The following GALNT13 variants were observed in gnomAD, a reference collection of about 807,000 sequenced individuals.
The protein encoded by GALNT13 is polypeptide N-acetylgalactosaminyltransferase 13, also known as UDP-GalNAc:polypeptide N-acetylgalactosaminyltransferase 13.
A neutral mutation model predicts 64.2 loss-of-function variants in GALNT13; 28 were observed. That is an observed-to-expected ratio of 0.44 (90% CI 0.32 to 0.60). The LOEUF is 0.60. Among genes scored for constraint, GALNT13 ranks in the 20% least tolerant of loss-of-function variants. GALNT13 has a pLI of 0.05. For missense variants in GALNT13, 577 were observed against 669.8 expected (o/e 0.86, Z 1.53); for synonymous variants, 214 against 224.6 (o/e 0.95, Z 0.42).
the GALNT13 span, among the ~76,000 whole-genome samples, chr2:153,552,575 C>CTTTTT: frequency 1.7e-3 from 116 of 69,286 alleles, 2 homozygotes; most frequent in African/African-American, 4.7e-3. Context: ...GCTTCTTCTT[C>CTTTTT]TTTTTTTTTT....
the GALNT13 span, among the ~76,000 whole-genome samples, chr2:153,379,229 T>C: frequency 1.3e-5 from 2 of 152,180 alleles, no homozygotes; most frequent in African/African-American, 4.8e-5. Flanking sequence ...AGCCAAATAA[T>C]GTTGCTTTTA....
At chr2:154,356,535 G>A (rs1490385031) in intron 9 of GALNT13, among the ~76,000 whole-genome samples, 2 of 151,878 alleles carry the variant, frequency 1.3e-5, no homozygotes, top group African/African-American at 4.8e-5. Context: ...TTCATATCTT[G>A]CATGAGGTAC....
At chr2:153,232,919 T>C in the GALNT13 span, among the ~76,000 whole-genome samples, 1 of 152,160 alleles carries the variant, frequency 6.6e-6, no homozygotes, top group Admixed American at 6.5e-5. Flanking sequence ...CCATCCATTA[T>C]GTCTCTTTGA....
chr2:153,976,808 TG>T lies in GALNT13; in HGVS notation c.142+32170del, dbSNP rs376023662. Among the ~76,000 whole-genome samples, 14 of 152,200 alleles carry T rather than the reference TG, an allele frequency of 9.2e-5. No homozygotes were observed. The East Asian group carries it at 2.5e-3, about 27-fold the overall frequency. On this transcript the variant is annotated intron_variant, in intron 3 of 12. Coordinates refer to ENST00000392825, the MANE Select transcript of GALNT13 (RefSeq NM_052917.4). ...GCACATTTGATATTTTTAGAAAATT[TG>T]CATATTTTTGTAACAATTGGCAAAA...
chr2:153,519,731 T>C, the GALNT13 span, among the ~76,000 whole-genome samples: 1 of 152,156 alleles, frequency 6.6e-6, no homozygotes, highest in Non-Finnish European at 1.5e-5. Flanking sequence ...TATTTTGTAT[T>C]ACAAATAGAA....
At chr2:153,945,627 A>G (rs1691677403) in intron 3 of GALNT13, among the ~76,000 whole-genome samples, 1 of 152,174 alleles carries the variant, frequency 6.6e-6, no homozygotes, top group African/African-American at 2.4e-5. Flanking sequence ...TTTTTGAGAT[A>G]TTTATTGAAC....
At chr2:154,101,153 T>TTTG (rs143375745) in intron 3 of GALNT13, among the ~76,000 whole-genome samples, 16,753 of 151,128 alleles carry the variant, frequency 0.11, 2,089 homozygotes, top group East Asian at 0.61. Context: ...CAGGGATATT[T>TTTG]TTGTTGTTGT....
At chr2:153,137,242 A>C in the GALNT13 span, among the ~76,000 whole-genome samples, 2 of 152,114 alleles carry the variant, frequency 1.3e-5, no homozygotes, top group Non-Finnish European at 1.5e-5. Context: ...GGAGCAATAG[A>C]ATAACTCACT....
At chr2:154,368,571 C>G (rs1190259958) in intron 9 of GALNT13, among the ~76,000 whole-genome samples, 1 of 152,098 alleles carries the variant, frequency 6.6e-6, no homozygotes, top group East Asian at 1.9e-4. Context: ...TGAAGTTGAC[C>G]TAATGCAGAG....
chr2:153,380,471 C>G, the GALNT13 span, among the ~76,000 whole-genome samples: 1 of 151,232 alleles, frequency 6.6e-6, no homozygotes, highest in African/African-American at 2.4e-5. Context: ...GATCCTCTCT[C>G]TAAATAATAA....
chr2:153,973,642 A>G (rs1047453974), intron 3 of GALNT13, among the ~76,000 whole-genome samples: 2 of 151,624 alleles, frequency 1.3e-5, no homozygotes, highest in African/African-American at 2.4e-5. Flanking sequence ...TTCAGAACCT[A>G]TGATTGATCT....
At chr2:153,875,367 T>C (rs1382653523) in intron 1 of GALNT13, among the ~76,000 whole-genome samples, 3 of 152,354 alleles carry the variant, frequency 2.0e-5, no homozygotes, top group East Asian at 3.9e-4. Context: ...CCAATTTTTA[T>C]ATTTAAAAAT....
intron 11 of GALNT13, among the ~76,000 whole-genome samples, chr2:154,413,771 G>A (rs962834914): frequency 1.8e-4 from 27 of 152,088 alleles, no homozygotes; most frequent in African/African-American, 5.8e-4. Flanking sequence ...CTTCTCATTT[G>A]CTAGCTATTC....
chr2:153,878,726 G>C (rs1686566332), intron 1 of GALNT13, among the ~76,000 whole-genome samples: 1 of 152,144 alleles, frequency 6.6e-6, no homozygotes, highest in Admixed American at 6.5e-5. Context: ...ATCCCAACTT[G>C]TACGGGTCAG....
chr2:154,324,014 G>A (rs888070040), intron 9 of GALNT13, among the ~76,000 whole-genome samples: 3 of 151,856 alleles, frequency 2.0e-5, no homozygotes, highest in Non-Finnish European at 4.4e-5. Context: ...TCCTATTTTG[G>A]ATATATAATA....
At chr2:154,395,168 C>T (rs889736148) in intron 9 of GALNT13, among the ~76,000 whole-genome samples, 6 of 152,092 alleles carry the variant, frequency 3.9e-5, no homozygotes, top group Non-Finnish European at 8.8e-5. Flanking sequence ...AGAATAATTG[C>T]TGTCTTGTCA....
At chr2:153,920,186 A>T (rs746125971) in intron 2 of GALNT13, among the ~76,000 whole-genome samples, 1 of 151,878 alleles carries the variant, frequency 6.6e-6, no homozygotes, top group Admixed American at 6.6e-5. Context: ...GGTGTCATCA[A>T]TTACGATTAT....
At chr2:153,880,843 T>A (rs995111693) in intron 1 of GALNT13, among the ~76,000 whole-genome samples, 1 of 88,858 alleles carries the variant, frequency 1.1e-5, no homozygotes, top group African/African-American at 6.8e-5. Flanking sequence ...TTCTTTGTTC[T>A]TCTTTCCATT....
chr2:154,026,186 G>C (rs1697951347), intron 3 of GALNT13, among the ~76,000 whole-genome samples: 1 of 152,178 alleles, frequency 6.6e-6, no homozygotes, highest in African/African-American at 2.4e-5. Context: ...CACAGGAAAT[G>C]AGATCTAATA....
Sources: gnomAD v4.1 joint callset for allele counts (sites outside exome capture counted in the v4.1 genomes callset) on GRCh38, gnomAD v4.1.1 for gene constraint, MANE v1.5 for transcripts, NCBI Gene and HGNC (gene_info 2026-07-23, HGNC 2026-07-21) for gene names.